CTNND2: variants seen among roughly 807,000 people sequenced by gnomAD.
CTNND2 encodes the protein catenin delta 2, also known as catenin delta-2.
Under a neutral mutation model 144.4 loss-of-function variants are expected in CTNND2, and 22 were observed. The ratio of observed to expected loss-of-function variants is 0.15; its 90% confidence interval spans 0.11 to 0.22. CTNND2 has a LOEUF of 0.22. Ranked by LOEUF, CTNND2 falls within the 10% of genes least tolerant of loss-of-function variation. The probability of loss-of-function intolerance (pLI) is 1.00; values close to 1 mark genes in which losing one functional copy is unlikely to be tolerated. For synonymous variants in CTNND2, 751 were observed against 695.6 expected (o/e 1.08, Z -1.25); for missense variants, 1,353 against 1,618.8 (o/e 0.84, Z 2.82).
chr5:11,312,830 T>C (rs1051164569), intron 9 of CTNND2, among the ~76,000 whole-genome samples: 5 of 152,210 alleles, frequency 3.3e-5, no homozygotes, highest in African/African-American at 1.2e-4. Context: ...CCTTTTCACA[T>C]ATCTGTATAT....
intron 2 of CTNND2, among the ~76,000 whole-genome samples, chr5:11,606,337 A>G (rs1268960274): frequency 6.6e-6 from 1 of 152,164 alleles, no homozygotes; most frequent in African/African-American, 2.4e-5. Context: ...AGATACATAA[A>G]CTGGTGTTGT....
intron 5 of CTNND2, among the ~76,000 whole-genome samples, chr5:11,407,022 A>G (rs1408632219): frequency 6.6e-6 from 1 of 152,262 alleles, no homozygotes; most frequent in East Asian, 1.9e-4. Flanking sequence ...TTTCCAGGTT[A>G]TCCTTTCTAT....
intron 9 of CTNND2, among the ~76,000 whole-genome samples, chr5:11,282,210 T>C (rs1431813705): frequency 6.6e-6 from 1 of 152,138 alleles, no homozygotes. Context: ...GTCAATGCTG[T>C]TGGGTATTGG....
intron 1 of CTNND2, among the ~76,000 whole-genome samples, chr5:11,793,923 T>C (rs963402534): frequency 5.2e-5 from 8 of 152,384 alleles, no homozygotes; most frequent in African/African-American, 1.9e-4. Context: ...TTCATAGACA[T>C]AGTATTATCT....
At chr5:11,008,365 G>A (rs966147483) in intron 18 of CTNND2, among the ~76,000 whole-genome samples, 21 of 152,102 alleles carry the variant, frequency 1.4e-4, no homozygotes, top group African/African-American at 4.6e-4. Context: ...AGAGAGATTT[G>A]GGGGGTCACA....
Position 11,287,431 on chromosome 5 carries a change from A to G in CTNND2, c.1629-50608T>C, listed in dbSNP as rs114087092. 1.0e-3 allele frequency among the ~76,000 whole-genome samples: 158 copies of G among 152,336 alleles called. 3 individuals are homozygous for G. Among genetic ancestry groups the G allele is most frequent in the Middle Eastern group, 3.4e-3 (1 of 294 alleles). On this transcript the variant is annotated intron_variant, in intron 9 of 21. Coordinates refer to ENST00000304623, the MANE Select transcript of CTNND2 (RefSeq NM_001332.4). ...CAAGCCTCCACTATTGCAGAGGCCA[A>G]TTCCTTAAAATAAATCTCTCTCTTT...
chr5:11,091,093 T>G (rs1750723688), intron 15 of CTNND2, among the ~76,000 whole-genome samples: 1 of 152,154 alleles, frequency 6.6e-6, no homozygotes, highest in African/African-American at 2.4e-5. Context: ...TTTCAAAAAT[T>G]TTTTCCTATT....
At chr5:11,879,356 T>TATATATATATATATATATATATATATAG (rs904010417) in intron 1 of CTNND2, among the ~76,000 whole-genome samples, 1 of 141,368 alleles carries the variant, frequency 7.1e-6, no homozygotes, top group Non-Finnish European at 1.6e-5. Context: ...TATATATATA[T>TATATATATATATATATATATATATATAG]ACATATACAC....
In CTNND2 at chr5:11,439,740, A is replaced by ATATCTATC. The variant is rs57368706; in HGVS notation, c.288-27679_288-27672dup. On this transcript the variant is annotated intron_variant, in intron 3 of 21. Coordinates refer to ENST00000304623, the MANE Select transcript of CTNND2 (RefSeq NM_001332.4). ...GAGCTAGCTGCCCTCTCTGCTAGCTATATCTATCTATCTATCTATCTATCT... is the reference window on the plus strand; with the variant it reads ...GAGCTAGCTGCCCTCTCTGCTAGCTATATCTATCTATCTATCTATCTATCTATCTATCT... Among the ~76,000 whole-genome samples the ATATCTATC allele has an allele frequency of 9.5e-3, 1,388 of 146,184 alleles. 9 individuals carry two copies. The highest frequency in any genetic ancestry group is 0.014 in the Middle Eastern group (4 of 290).
At chr5:11,623,253 A>C (rs1245510508) in intron 2 of CTNND2, among the ~76,000 whole-genome samples, 2 of 152,004 alleles carry the variant, frequency 1.3e-5, no homozygotes, top group African/African-American at 4.8e-5. Flanking sequence ...CCCCACCCAA[A>C]TCTCATCTTG....
At chr5:11,447,333 T>C (rs1327803161) in intron 3 of CTNND2, among the ~76,000 whole-genome samples, 1 of 146,018 alleles carries the variant, frequency 6.8e-6, no homozygotes, top group Non-Finnish European at 1.5e-5. Flanking sequence ...CAGAGGGAGA[T>C]GCCGTTTACA....
intron 1 of CTNND2, among the ~76,000 whole-genome samples, chr5:11,880,911 CACCACT>C (rs1176424263): frequency 2.9e-5 from 4 of 140,106 alleles, no homozygotes; most frequent in Non-Finnish European, 3.1e-5. Flanking sequence ...CTACTACTAC[CACCACT>C]ACTACTACCA....
At chr5:11,068,692 G>T (rs976171356) in intron 16 of CTNND2, among the ~76,000 whole-genome samples, 2 of 152,194 alleles carry the variant, frequency 1.3e-5, no homozygotes, top group African/African-American at 2.4e-5. Flanking sequence ...GAGGCGGGCG[G>T]ATCACGAGGT....
Position 11,566,622 on chromosome 5 carries a change from C to T in CTNND2, c.175-1566G>A, listed in dbSNP as rs547091637. Among the ~76,000 whole-genome samples, 8 of 152,228 alleles carry T rather than the reference C, an allele frequency of 5.3e-5. No homozygotes were observed. In the East Asian group the frequency reaches 1.5e-3, roughly 29 times the overall value. Reference sequence around the variant, plus strand: ...GTCGATGGAAATTCATTCTTTGTAGCATCTAAAGTACTTTGATTTGCTGCC... The same window carrying T: ...GTCGATGGAAATTCATTCTTTGTAGTATCTAAAGTACTTTGATTTGCTGCC... On this transcript the variant is annotated intron_variant, in intron 2 of 21. Coordinates refer to ENST00000304623, the MANE Select transcript of CTNND2 (RefSeq NM_001332.4).
intron 17 of CTNND2, 118 bp from the exon 18 acceptor site, chr5:11,018,176 G>A: frequency 2.9e-6 from 2 of 692,202 alleles, no homozygotes; most frequent in East Asian, 2.8e-5. Flanking sequence ...GGTGATCTAT[G>A]ATCAGTGCTC....
chr5:11,101,828 G>A (rs528544481), intron 14 of CTNND2, among the ~76,000 whole-genome samples: 1 of 152,070 alleles, frequency 6.6e-6, no homozygotes, highest in East Asian at 1.9e-4. Flanking sequence ...TTCCAGGACA[G>A]CAGTGGTGGC....
At chr5:10,981,880 GAA>G in intron 20 of CTNND2, 34 bp from the exon 21 acceptor site, 1 of 1,556,262 alleles carries the variant, frequency 6.4e-7, no homozygotes, top group Non-Finnish European at 8.9e-7. Context: ...GTTTAGCAAA[GAA>G]AACAACATTA....
intron 2 of CTNND2, among the ~76,000 whole-genome samples, chr5:11,706,553 A>G (rs1785702856): frequency 6.6e-6 from 1 of 152,196 alleles, no homozygotes; most frequent in Admixed American, 6.5e-5. Flanking sequence ...GCGTCATCAC[A>G]CTAAAGAGTA....
At chr5:11,088,939 G>C (rs1388671564) in intron 15 of CTNND2, among the ~76,000 whole-genome samples, 2 of 152,176 alleles carry the variant, frequency 1.3e-5, no homozygotes, top group African/African-American at 4.8e-5. Flanking sequence ...CTGTGTACTA[G>C]AGGCTAGGAG....
Sources: allele counts gnomAD v4.1 joint callset (sites outside exome capture counted in the v4.1 genomes callset), GRCh38; gene constraint gnomAD v4.1.1; transcripts MANE v1.5; gene names NCBI Gene and HGNC (gene_info 2026-07-23, HGNC 2026-07-21).